The following CAST variants were observed in gnomAD, a reference collection of about 807,000 sequenced individuals.
CAST encodes the protein calpastatin.
In CAST, 76 loss-of-function variants were observed where a neutral mutation model predicts 119.6. The observed-to-expected ratio is 0.64, with a 90% CI of 0.53 to 0.77. CAST has a LOEUF of 0.77. Ranked by LOEUF, CAST falls within the 30% of genes least tolerant of loss-of-function variation. The probability of loss-of-function intolerance (pLI) is 0.00; values close to 1 mark genes in which losing one functional copy is unlikely to be tolerated. For missense variants in CAST, 953 were observed against 946.5 expected, an observed-to-expected ratio of 1.01 and a Z score of -0.09; for synonymous variants, 319 against 331.6, an observed-to-expected ratio of 0.96 and a Z score of 0.41.
chr5:96,085,353 G>A, the CAST span, among the ~76,000 whole-genome samples: 3 of 152,112 alleles, frequency 2.0e-5, no homozygotes, highest in East Asian at 1.9e-4. Flanking sequence ...ATAGAGGAAC[G>A]AAAATGAACT....
chr5:95,974,147 C>A, the CAST span, among the ~76,000 whole-genome samples: 1 of 152,186 alleles, frequency 6.6e-6, no homozygotes, highest in African/African-American at 2.4e-5. Flanking sequence ...TCTGACCAAG[C>A]TGCCTGGACA....
chr5:96,067,926 T>C, the CAST span, among the ~76,000 whole-genome samples: 1 of 147,862 alleles, frequency 6.8e-6, no homozygotes, highest in Non-Finnish European at 1.5e-5. Context: ...GACTAGAGAG[T>C]GAAATGGCTT....
intron 1 of CAST, among the ~76,000 whole-genome samples, chr5:96,621,075 T>G (rs572176467): frequency 2.0e-5 from 3 of 152,330 alleles, no homozygotes; most frequent in African/African-American, 7.2e-5. Flanking sequence ...TACCTCAAGT[T>G]CCCACGTCTT....
At position 96,554,755 on chromosome 5, in the gene CAST, C is replaced by T. The variant is rs544669807; in HGVS notation, c.60+24875C>T. 1.8e-4 allele frequency among the ~76,000 whole-genome samples: 28 copies of T among 152,318 alleles called. No individual in the cohort carries two copies. The South Asian group carries it at 5.2e-3, about 28-fold the overall frequency. On this transcript the variant is annotated intron_variant, in intron 1 of 11. Coordinates refer to the CAST transcript ENST00000505143. ...AAAACGGGCAAAGGATATGAACAGA[C>T]ACTTCTCAAAAGAAGACATTTATGC... is the stretch of plus-strand genomic sequence containing the variant.
the CAST span, among the ~76,000 whole-genome samples, chr5:96,417,745 T>C: frequency 6.6e-6 from 1 of 152,226 alleles, no homozygotes. Flanking sequence ...GAGTTAGGAT[T>C]CTTTCATTTG....
the CAST span, among the ~76,000 whole-genome samples, chr5:96,028,222 C>T: frequency 2.0e-5 from 3 of 151,718 alleles, no homozygotes; most frequent in African/African-American, 4.8e-5. Flanking sequence ...GATATAATTA[C>T]TAGAACTGAA....
chr5:96,535,882 CT>C (rs1745802502), intron 1 of CAST, among the ~76,000 whole-genome samples: 1 of 151,840 alleles, frequency 6.6e-6, no homozygotes, highest in Non-Finnish European at 1.5e-5. Context: ...CAAATAAACA[CT>C]TTTTAAACCT....
the CAST span, among the ~76,000 whole-genome samples, chr5:96,259,946 C>A: frequency 4.0e-5 from 6 of 150,840 alleles, no homozygotes; most frequent in Non-Finnish European, 8.8e-5. Context: ...GAAAGCCCTG[C>A]GTGAATACTT....
At chr5:95,998,036 G>A in the CAST span, among the ~76,000 whole-genome samples, 1 of 145,398 alleles carries the variant, frequency 6.9e-6, no homozygotes, top group Non-Finnish European at 1.5e-5. Flanking sequence ...GAAATTGGTG[G>A]TATGTCCATG....
chr5:96,018,282 A>G, the CAST span, among the ~76,000 whole-genome samples: 1 of 152,208 alleles, frequency 6.6e-6, no homozygotes, highest in South Asian at 2.1e-4. Context: ...AGGGCCCAAT[A>G]CAAACTATCA....
intron 2 of CAST, among the ~76,000 whole-genome samples, chr5:96,693,890 G>A (rs943414469): frequency 1.3e-5 from 2 of 151,742 alleles, no homozygotes; most frequent in Non-Finnish European, 2.9e-5. Context: ...CTTGGTTGAT[G>A]GTAGTAAGTG....
At chr5:96,502,147 C>G in the CAST span, among the ~76,000 whole-genome samples, 1 of 152,274 alleles carries the variant, frequency 6.6e-6, no homozygotes, top group African/African-American at 2.4e-5. Flanking sequence ...TTTTTTCTCT[C>G]ACAGCACTCA....
chr5:96,496,280 T>C, the CAST span, among the ~76,000 whole-genome samples: 2 of 152,218 alleles, frequency 1.3e-5, no homozygotes. Flanking sequence ...CAAATTATAA[T>C]TCATTGTACA....
At chr5:96,758,270 C>G (rs1228093261) in intron 24 of CAST, among the ~76,000 whole-genome samples, 3 of 152,128 alleles carry the variant, frequency 2.0e-5, no homozygotes, top group Admixed American at 6.5e-5. Flanking sequence ...TTATCATTTC[C>G]CAAATTGCCT....
chr5:96,525,294 G>T (rs1490184888), upstream of CAST: 2 of 152,206 alleles, frequency 1.3e-5, no homozygotes, highest in Non-Finnish European at 2.9e-5. Context: ...GGTGCAGATG[G>T]AGGGATTGCT....
chr5:96,709,616 CA>C (rs1042648080), intron 3 of CAST, among the ~76,000 whole-genome samples: 121 of 152,282 alleles, frequency 7.9e-4, no homozygotes, highest in Admixed American at 2.2e-3. Flanking sequence ...TTGGGGAATA[CA>C]TGTACTAGCT....
chr5:96,009,237 G>A, the CAST span, among the ~76,000 whole-genome samples: 17 of 152,138 alleles, frequency 1.1e-4, no homozygotes, highest in East Asian at 2.7e-3. Flanking sequence ...GTTGGTTTAC[G>A]TCTTTGCTAT....
intron 9 of CAST, among the ~76,000 whole-genome samples, chr5:96,732,555 G>A (rs1218952629): frequency 6.7e-6 from 1 of 149,572 alleles, no homozygotes; most frequent in Non-Finnish European, 1.5e-5. Context: ...TGCTTTTGGT[G>A]TTTTGGACAT....
the CAST span, among the ~76,000 whole-genome samples, chr5:96,439,988 C>A: frequency 6.6e-6 from 1 of 151,982 alleles, no homozygotes; most frequent in East Asian, 1.9e-4. Flanking sequence ...GCAGAAGTGG[C>A]CCACGGCACA....
Sources: allele counts gnomAD v4.1 joint callset (sites outside exome capture counted in the v4.1 genomes callset), GRCh38; gene constraint gnomAD v4.1.1; transcripts MANE v1.5; gene names NCBI Gene and HGNC (gene_info 2026-07-23, HGNC 2026-07-21).